The following ME1 variants were observed in gnomAD, a reference collection of about 807,000 sequenced individuals.
ME1 encodes malic enzyme 1, also known as NADP-dependent malic enzyme.
In ME1, 74 loss-of-function variants were observed where a neutral mutation model predicts 66.4. The observed-to-expected ratio is 1.11, with a 90% CI of 0.92 to 1.35. The LOEUF (loss-of-function observed/expected upper bound fraction) is 1.35, where lower values mean the gene tolerates loss of function less well. Among genes scored for constraint, ME1 ranks in the 40% most tolerant of loss-of-function variants. The pLI is 0.00. For synonymous variants in ME1, 251 were observed against 235.6 expected, an observed-to-expected ratio of 1.07 and a Z score of -0.60; for missense variants, 750 against 694.1, an observed-to-expected ratio of 1.08 and a Z score of -0.90.
intron 3 of ME1, among the ~76,000 whole-genome samples, chr6:83,387,647 C>G (rs1489511934): frequency 6.6e-6 from 1 of 151,968 alleles, no homozygotes. Context: ...AATGAATACT[C>G]TACTTCAAAT....
chr6:83,390,761 A>G (rs1769604974), intron 3 of ME1, among the ~76,000 whole-genome samples: 1 of 152,068 alleles, frequency 6.6e-6, no homozygotes, highest in Admixed American at 6.6e-5. Context: ...AATACAACAA[A>G]TACCTCCACC....
intron 7 of ME1, among the ~76,000 whole-genome samples, chr6:83,248,530 G>A (rs975892390): frequency 6.6e-6 from 1 of 152,230 alleles, no homozygotes; most frequent in African/African-American, 2.4e-5. Context: ...CTCATCTCAA[G>A]TTGTAATCTC....
intron 3 of ME1, among the ~76,000 whole-genome samples, chr6:83,374,728 G>T (rs938635008): frequency 1.8e-4 from 28 of 152,034 alleles, no homozygotes; most frequent in African/African-American, 6.8e-4. Flanking sequence ...CATGGTTTTT[G>T]GTTTTACATT....
intron 7 of ME1, among the ~76,000 whole-genome samples, chr6:83,252,667 G>T (rs1790744494): frequency 6.6e-6 from 1 of 152,146 alleles, no homozygotes; most frequent in Admixed American, 6.5e-5. Flanking sequence ...TTTGCTAATT[G>T]AATGTGTGGA....
intron 5 of ME1, among the ~76,000 whole-genome samples, chr6:83,329,341 A>G (rs943614890): frequency 1.3e-5 from 2 of 152,180 alleles, no homozygotes; most frequent in South Asian, 4.1e-4. Context: ...GATAGCATAG[A>G]GTATATTTTA....
At chr6:83,222,305 G>A (rs866718787) in intron 12 of ME1, among the ~76,000 whole-genome samples, 1 of 152,260 alleles carries the variant, frequency 6.6e-6, no homozygotes, top group Middle Eastern at 3.4e-3. Flanking sequence ...GAAAACGACA[G>A]GAGAACATTA....
intron 13 of ME1, among the ~76,000 whole-genome samples, chr6:83,215,700 C>T (rs1789977694): frequency 6.6e-6 from 1 of 152,200 alleles, no homozygotes; most frequent in Non-Finnish European, 1.5e-5. Flanking sequence ...AGAAAGAGGG[C>T]AGCCATCTGC....
rs139310622 is a variant in ME1, at chr6:83,376,572, G to A, written c.362+21795C>T. 9.0e-3 allele frequency among the ~76,000 whole-genome samples: 1,360 copies of A among 151,236 alleles called. 5 individuals are homozygous for A. The highest frequency in any genetic ancestry group is 0.014 in the Middle Eastern group (4 of 286). ...TCCCAGCACTTTGGGAGGCCAAGGC[G>A]GGCTGATCCCCCAAGGCCAGGAATC... is the stretch of plus-strand genomic sequence containing the variant. On this transcript the variant is annotated intron_variant, in intron 3 of 13. Transcript: ENST00000369705.
chr6:83,397,559 G>T (rs1250484139), intron 3 of ME1, among the ~76,000 whole-genome samples: 2 of 152,134 alleles, frequency 1.3e-5, no homozygotes, highest in African/African-American at 4.8e-5. Context: ...ATGGAAAACA[G>T]TATGGAAGCT....
intron 3 of ME1, chr6:83,392,947 C>A: frequency 1.2e-6 from 1 of 832,980 alleles, no homozygotes. Flanking sequence ...ATGACCATCG[C>A]TGCCACCCAG....
chr6:83,305,388 A>C (rs1223070973), intron 6 of ME1, among the ~76,000 whole-genome samples: 1 of 152,180 alleles, frequency 6.6e-6, no homozygotes, highest in African/African-American at 2.4e-5. Flanking sequence ...CAGGAGAGCC[A>C]GGGTGGGGAG....
chr6:83,226,661 T>G (rs918542995), intron 11 of ME1, among the ~76,000 whole-genome samples: 1 of 152,146 alleles, frequency 6.6e-6, no homozygotes, highest in Non-Finnish European at 1.5e-5. Context: ...CAGAGTGACA[T>G]AGCGTTCATG....
intron 12 of ME1, among the ~76,000 whole-genome samples, chr6:83,218,436 G>T (rs9361993): frequency 6.6e-6 from 1 of 152,156 alleles, no homozygotes; most frequent in African/African-American, 2.4e-5. Context: ...AGCAGTTATA[G>T]GTATGTGTAC....
chr6:83,274,773 C>T (rs1767145802), intron 6 of ME1, among the ~76,000 whole-genome samples: 1 of 152,172 alleles, frequency 6.6e-6, no homozygotes, highest in Admixed American at 6.5e-5. Context: ...ATTTACAAAT[C>T]ACTACACAAA....
intron 5 of ME1, among the ~76,000 whole-genome samples, chr6:83,317,321 G>C (rs1304592884): frequency 6.6e-6 from 1 of 152,040 alleles, no homozygotes; most frequent in Non-Finnish European, 1.5e-5. Flanking sequence ...CCATTTGTTT[G>C]TATCCTCTTT....
intron 6 of ME1, among the ~76,000 whole-genome samples, chr6:83,291,898 T>G (rs1767511131): frequency 6.6e-6 from 1 of 152,052 alleles, no homozygotes; most frequent in East Asian, 1.9e-4. Flanking sequence ...TCCTTTCTTC[T>G]GCTTGATCGA....
chr6:83,231,129 C>CTGAG (rs1790300280), intron 9 of ME1, among the ~76,000 whole-genome samples: 1 of 151,556 alleles, frequency 6.6e-6, no homozygotes, highest in African/African-American at 2.4e-5. Flanking sequence ...GGCTGTCAAG[C>CTGAG]TGAGATATAA....
intron 6 of ME1, among the ~76,000 whole-genome samples, chr6:83,296,223 A>C (rs1021915552): frequency 5.9e-5 from 9 of 152,120 alleles, no homozygotes; most frequent in African/African-American, 1.9e-4. Context: ...AAAACTTCAG[A>C]TCAATATCCC....
At chr6:83,292,172 A>C (rs965671927) in intron 6 of ME1, among the ~76,000 whole-genome samples, 2 of 152,000 alleles carry the variant, frequency 1.3e-5, no homozygotes, top group African/African-American at 2.4e-5. Flanking sequence ...CACTGGAGAG[A>C]AGTTGTGTTC....
Sources: allele counts gnomAD v4.1 joint callset (sites outside exome capture counted in the v4.1 genomes callset), GRCh38; gene constraint gnomAD v4.1.1; transcripts MANE v1.5; gene names NCBI Gene and HGNC (gene_info 2026-07-23, HGNC 2026-07-21).